The following CLUH variants were observed in gnomAD, a reference collection of about 807,000 sequenced individuals.
The protein encoded by CLUH is clustered mitochondria protein homolog.
A neutral mutation model predicts 139.3 loss-of-function variants in CLUH; 77 were observed. The ratio of observed to expected loss-of-function variants is 0.55; its 90% confidence interval spans 0.46 to 0.67. The LOEUF (loss-of-function observed/expected upper bound fraction) is 0.67, where lower values mean the gene tolerates loss of function less well. Among genes scored for constraint, CLUH ranks in the 30% least tolerant of loss-of-function variants. The pLI is 0.00. For synonymous variants in CLUH, 999 were observed against 801.6 expected (o/e 1.25, Z -4.16); for missense variants, 1,876 against 1,875.8 (o/e 1.00, Z 0.00).
Position 2,704,463 on chromosome 17 carries a change from C to A in CLUH, c.202G>T (p.Gly68Cys), listed in dbSNP as rs766153587. The A allele has an allele frequency of 6.2e-7, 1 of 1,600,782 alleles. No individual in the cohort carries two copies. Among genetic ancestry groups the A allele is most frequent in the African/African-American group, 1.3e-5 (1 of 74,660 alleles). The change falls in exon 2 of 26, where the codon GGC becomes TGC. Residue 68 changes from glycine (G) to cysteine (C), a missense_variant. Physicochemically the swap from Gly to Cys is radical, Grantham distance 159. Transcript: ENST00000651024. The surrounding 1 kb of genome is among the most constrained non-coding windows in gnomAD (Gnocchi z 5.7). ...TGGCCGGTGGTCTCATCTCCCGGGC[C>A]GGCCTCGTCAAGCCCATTTTCCCTG... ...PPRENGLDEA[G>C]PGDETTGQEV...
intron 9 of CLUH, among the ~76,000 whole-genome samples, chr17:2,699,635 CTTT>C (rs34048701): frequency 2.1e-5 from 3 of 144,930 alleles, no homozygotes; most frequent in African/African-American, 7.6e-5. Context: ...GCTGAGATTT[CTTT>C]TTTTTTTTTT....
In CLUH at chr17:2,698,105, G is replaced by A. The variant is rs1415307319; in HGVS notation, c.1752C>T (p.Cys584=). The A allele has an allele frequency of 6.2e-7, 1 of 1,602,430 alleles. No individual in the cohort carries two copies. The highest frequency in any genetic ancestry group is 8.5e-7 in the Non-Finnish European group (1 of 1,176,082). Residue 584 remains cysteine (C), a synonymous_variant, in exon 10 of 26, where the codon TGC becomes TGT. Coordinates refer to ENST00000651024, the MANE Select transcript of CLUH (RefSeq NM_001366661.1). ...LNDRDEEVEL[C]SSVECKGIIG... ...TGATGCCCTTGCACTCGACCGAGGA[G>A]CAGAGCTCCACCTCCTCGTCACGGT...
rs1245187835 is a variant in CLUH at position 2,706,985 on chromosome 17, G to T, written c.101-2421C>A. ...CCCAGCCCAGGGAGACGACCCTCAG[G>T]GGGTACCTATTCCCTATCCCGTTTC... On this transcript the variant is annotated intron_variant, in intron 1 of 25. Transcript: ENST00000651024. This position sits in a 1 kb window ranked among gnomAD's most constrained non-coding sequence, Gnocchi z 4.6. Among the ~76,000 whole-genome samples, 1 of 152,200 alleles carries T rather than the reference G, an allele frequency of 6.6e-6. No homozygotes were observed. The highest frequency in any genetic ancestry group is 2.4e-5 in the African/African-American group (1 of 41,454).
Position 2,700,372 on chromosome 17 carries a change from C to T in CLUH, c.1266+10G>A. On this transcript the variant is annotated intron_variant, in intron 9 of 25. Transcript: ENST00000651024. ...GCCTCAGACTGCCGGTCAGCAGAGG[C>T]TGCAGGCACCTTGAATATGGCCCTT... 1 of 1,610,686 alleles carries T rather than the reference C, an allele frequency of 6.2e-7. No homozygotes were observed.
At position 2,690,493 on chromosome 17, in the gene CLUH, A is replaced by C; in HGVS notation, c.*101T>G. On this transcript the variant is annotated 3_prime_UTR_variant, in exon 26 of 26. Transcript: ENST00000651024. The stretch of plus-strand genomic sequence containing the variant: ...GGGGTGGGGTGAGACGTGGAGGAAG[A>C]GGGCCTTGCTTCCTCTTCCGCCCGC... 1 of 1,052,708 alleles carries C rather than the reference A, an allele frequency of 9.5e-7. No homozygotes were observed. The highest frequency in any genetic ancestry group is 2.1e-5 in the South Asian group (1 of 47,208). The allele number at this position is 1,052,708 out of a possible 1,614,324, so 65.2% of individuals were successfully genotyped here.
chr17:2,692,500 G>A lies in CLUH; in HGVS notation c.3439-18C>T, dbSNP rs761249008. 6.3e-6 allele frequency: 10 copies of A among 1,596,994 alleles called. No individual in the cohort carries two copies. In the Admixed American group the frequency reaches 6.7e-5, roughly 11 times the overall value. On this transcript the variant is annotated intron_variant, in intron 21 of 25. Coordinates refer to ENST00000651024, the MANE Select transcript of CLUH (RefSeq NM_001366661.1). ...ATGTTGTTCTGGGGGCAGGCGGTGG[G>A]GGGCCCTGGTCAGCTCCCGGTCCCC...
At position 2,704,612 on chromosome 17, in the gene CLUH, C is replaced by T. The variant is rs541356275; in HGVS notation, c.101-48G>A. ...AGAATCAGGCAGCCTCGCTGGTCGG[C>T]GGGGCTGTCCGCCTGACCCCACACG... On this transcript the variant is annotated intron_variant, in intron 1 of 25. Transcript: ENST00000651024. The surrounding 1 kb of genome is among the most constrained non-coding windows in gnomAD (Gnocchi z 5.7). The T allele has an allele frequency of 1.8e-5, 27 of 1,489,344 alleles. No individual in the cohort carries two copies. The highest frequency in any genetic ancestry group is 6.2e-5 in the Admixed American group (3 of 48,430). 92.3% of individuals were successfully genotyped at this position (1,489,344 alleles called of 1,614,324 possible).
At chr17:2,701,762 A>AGCACAGGGCC in intron 4 of CLUH, 25 bp from the exon 5 acceptor site, 2 of 1,553,306 alleles carry the variant, frequency 1.3e-6, no homozygotes, top group Non-Finnish European at 1.7e-6. Flanking sequence ...GCTGGTGGTC[A>AGCACAGGGCC]GCACAGGGCC....
Position 2,690,580 on chromosome 17 carries a change from G to A in CLUH, c.*14C>T, listed in dbSNP as rs779080985. ...TGACGGGGCCGCTGGCTGGCTGTCC[G>A]TCTGGCTCCCTCTCTATCCCTGCAC... is the stretch of plus-strand genomic sequence containing the variant. On this transcript the variant is annotated 3_prime_UTR_variant, in exon 26 of 26. Coordinates refer to ENST00000651024, the MANE Select transcript of CLUH (RefSeq NM_001366661.1). The A allele has an allele frequency of 5.6e-6, 8 of 1,441,282 alleles. No individual in the cohort carries two copies. The highest frequency in any genetic ancestry group is 1.5e-5 in the South Asian group (1 of 66,956). The allele number at this position is 1,441,282 out of a possible 1,614,324, so 89.3% of individuals were successfully genotyped here.
At position 2,700,690 on chromosome 17, in the gene CLUH, G is replaced by T; in HGVS notation, c.1161C>A (p.His387Gln). The change falls in exon 8 of 26, where the codon CAC becomes CAA. Residue 387 changes from histidine (H) to glutamine (Q), a missense_variant. His to Gln is a conservative substitution (Grantham distance 24). This residue lies in a region of CLUH where 1,454 missense variants were observed against 1,384.4 expected (regional missense o/e 1.05). Transcript: ENST00000651024. ...AYTSRLGYEEHIPGQTRDWNE... is the reference protein window; with the variant it reads ...AYTSRLGYEEQIPGQTRDWNE... Reference sequence around the variant, plus strand: ...AGGTTGCAGGCACCTGTCCAGGAATGTGCTCCTCATAGCCCAGCCTCGAGG... The same window carrying T: ...AGGTTGCAGGCACCTGTCCAGGAATTTGCTCCTCATAGCCCAGCCTCGAGG... 1 of 1,527,208 alleles carries T rather than the reference G, an allele frequency of 6.5e-7. No individual in the cohort carries two copies. 94.6% of individuals were successfully genotyped at this position (1,527,208 alleles called of 1,614,324 possible). A position where few individuals can be genotyped will look rare whatever the true frequency, so the allele number is the denominator to read the frequency against.
In CLUH at chr17:2,703,524, G is replaced by A; in HGVS notation, c.304-35C>T. ...GAAGGCCCCGCCCACCCCGGTGAGA[G>A]AGCACGTAGCGGGGAGAGAAGGCCC... On this transcript the variant is annotated intron_variant, in intron 2 of 25. Transcript: ENST00000651024. The surrounding 1 kb of genome is among the most constrained non-coding windows in gnomAD (Gnocchi z 4.2). 1.2e-6 allele frequency: 2 copies of A among 1,602,752 alleles called. No homozygotes were observed. The highest frequency in any genetic ancestry group is 1.7e-6 in the Non-Finnish European group (2 of 1,173,370).
intron 25 of CLUH, 138 bp downstream of exon 25, chr17:2,691,471 A>C: frequency 1.2e-6 from 1 of 810,752 alleles, no homozygotes; most frequent in South Asian, 1.6e-5. Flanking sequence ...CTGAGGCAGG[A>C]GAATCGCTGA....
chr17:2,690,297 C>A lies in CLUH; in HGVS notation c.*297G>T. Reference sequence around the variant, plus strand: ...ACAGCCAGGGGCGCACTCGCACACGCCGGCCGGACGGCGGGGGCCGAAGCA... The same window carrying A: ...ACAGCCAGGGGCGCACTCGCACACGACGGCCGGACGGCGGGGGCCGAAGCA... On this transcript the variant is annotated 3_prime_UTR_variant, in exon 26 of 26. Transcript: ENST00000651024. 2.7e-6 allele frequency: 1 copy of A among 366,256 alleles called. No homozygotes were observed. The highest frequency in any genetic ancestry group is 4.9e-6 in the Non-Finnish European group (1 of 204,672). The allele number at this position is 366,256 out of a possible 1,614,324, so 22.7% of individuals were successfully genotyped here.
rs1004868314 is a variant in CLUH at position 2,703,799 on chromosome 17, C to T, written c.304-310G>A. ...AGCAGAGAAGGGAGATGAAGAACAGCGGGACAGAAGACGGCAGGCTCGCCC... is the reference window on the plus strand; with the variant it reads ...AGCAGAGAAGGGAGATGAAGAACAGTGGGACAGAAGACGGCAGGCTCGCCC... On this transcript the variant is annotated intron_variant, in intron 2 of 25. Coordinates refer to ENST00000651024, the MANE Select transcript of CLUH (RefSeq NM_001366661.1). This position sits in a 1 kb window ranked among gnomAD's most constrained non-coding sequence, Gnocchi z 4.2. Among the ~76,000 whole-genome samples the T allele has an allele frequency of 5.9e-5, 9 of 152,072 alleles. No individual in the cohort carries two copies. The highest frequency in any genetic ancestry group is 1.7e-4 in the African/African-American group (7 of 41,404).
intron 25 of CLUH, 46 bp from the exon 26 acceptor site, chr17:2,690,823 G>C (rs756609369): frequency 2.2e-6 from 3 of 1,392,704 alleles, no homozygotes; most frequent in East Asian, 5.4e-5. Context: ...AGGAGTCCTG[G>C]GGGCTCCACC....
rs773169895 is a variant in CLUH at position 2,698,411 on chromosome 17, C to T, written c.1446G>A (p.Ala482=). ...GGTCGTTGGTGGGCGCCACGTAGGC[C>T]GCCACGTCCCCCCCGAAGTCCTTGT... The part of the protein sequence containing the change: ...DHYKDFGGDV[A]AYVAPTNDLN... Residue 482 remains alanine, a synonymous_variant, in exon 10 of 26, where the codon GCG becomes GCA. Coordinates refer to ENST00000651024, the MANE Select transcript of CLUH (RefSeq NM_001366661.1). The T allele has an allele frequency of 5.6e-6, 9 of 1,613,182 alleles. No individual in the cohort carries two copies. Among genetic ancestry groups the T allele is most frequent in the Non-Finnish European group, 6.8e-6 (8 of 1,179,784 alleles).
chr17:2,704,042 G>A lies in CLUH; in HGVS notation c.303+320C>T, dbSNP rs2070273779. On this transcript the variant is annotated intron_variant, in intron 2 of 25. Coordinates refer to ENST00000651024, the MANE Select transcript of CLUH (RefSeq NM_001366661.1). This position sits in a 1 kb window ranked among gnomAD's most constrained non-coding sequence, Gnocchi z 5.7. ...AGATGGTAAAATCACGGCCCAGAGA[G>A]AGGTGACTTGCCTGAGGGCACAGAG... 6.6e-6 allele frequency among the ~76,000 whole-genome samples: 1 copy of A among 152,154 alleles called. No individual in the cohort carries two copies. Among genetic ancestry groups the A allele is most frequent in the African/African-American group, 2.4e-5 (1 of 41,434 alleles).
chr17:2,710,486 G>A (rs2070480409), intron 1 of CLUH, among the ~76,000 whole-genome samples: 1 of 152,226 alleles, frequency 6.6e-6, no homozygotes, highest in African/African-American at 2.4e-5. Flanking sequence ...AGATGATGAG[G>A]CGTTAAGACC....
intron 17 of CLUH, 38 bp downstream of exon 17, chr17:2,694,439 CACA>C (rs762946410): frequency 2.2e-4 from 17 of 76,896 alleles, no homozygotes; most frequent in East Asian, 4.5e-3. Context: ...GCAGCGGGGA[CACA>C]GCGGGGACAC....
Sources: gnomAD v4.1 joint callset for allele counts (sites outside exome capture counted in the v4.1 genomes callset) on GRCh38, gnomAD v4.1.1 for gene constraint, gnomAD v4.1.1 regional missense constraint, Gnocchi (gnomAD v3.1) non-coding constraint, MANE v1.5 for transcripts, NCBI Gene and HGNC (gene_info 2026-07-23, HGNC 2026-07-21) for gene names.